The following SLC35E2B variants were observed in gnomAD, a reference collection of about 807,000 sequenced individuals.
SLC35E2B encodes the protein solute carrier family 35 member E2B.
SLC35E2B carries 18 observed loss-of-function variants against 32.4 expected under a neutral mutation model. That is an observed-to-expected ratio of 0.56 (90% CI 0.38 to 0.82). The LOEUF (loss-of-function observed/expected upper bound fraction) is 0.82. Ranked by LOEUF, SLC35E2B falls within the 40% of genes least tolerant of loss-of-function variation. The pLI, the probability that SLC35E2B is intolerant of heterozygous loss-of-function variation, is 0.00. For missense variants in SLC35E2B, 263 were observed against 469.5 expected, an observed-to-expected ratio of 0.56 and a Z score of 4.06; for synonymous variants, 132 against 209.1, an observed-to-expected ratio of 0.63 and a Z score of 3.18.
At chr1:1,667,284 T>A (rs1209683054) in intron 9 of SLC35E2B, among the ~76,000 whole-genome samples, 17 of 148,912 alleles carry the variant, frequency 1.1e-4, no homozygotes, top group African/African-American at 4.2e-4. Flanking sequence ...GTGGTGGCAG[T>A]CGCCTGTAGT....
At chr1:1,684,789 CAAAAAAA>C (rs1175219653) in intron 2 of SLC35E2B, among the ~76,000 whole-genome samples, 1 of 23,736 alleles carries the variant, frequency 4.2e-5, no homozygotes, top group African/African-American at 1.8e-4. Context: ...GACTCCATCT[CAAAAAAA>C]AAAAAAAAAA....
intron 2 of SLC35E2B, among the ~76,000 whole-genome samples, chr1:1,683,467 C>A (rs545902452): frequency 1.1e-4 from 17 of 152,306 alleles, no homozygotes; most frequent in African/African-American, 4.1e-4. Context: ...GAGCAGCCGG[C>A]CGCAGAGACG....
At chr1:1,674,100 G>T (rs531433403) in intron 5 of SLC35E2B, 1 of 173,554 alleles carries the variant, frequency 5.8e-6, no homozygotes, top group Admixed American at 6.0e-5. Context: ...TAAGTATGTC[G>T]TCTATTGCTT....
At position 1,662,934 on chromosome 1, in the gene SLC35E2B, A is replaced by T. The variant is rs559044163; in HGVS notation, c.*2848T>A. ...GAAAAGTATTACACAAAGTTATTTTAAAAAATGTCTGTACAATCGTTAACA... is the reference window on the plus strand; with the variant it reads ...GAAAAGTATTACACAAAGTTATTTTTAAAAATGTCTGTACAATCGTTAACA... On this transcript the variant is annotated 3_prime_UTR_variant, in exon 10 of 10. Coordinates refer to ENST00000617444, the MANE Select transcript of SLC35E2B (RefSeq NM_001290264.2). The T allele has an allele frequency of 3.6e-4, 320 of 883,540 alleles. 12 individuals are homozygous for T. In the African/African-American group the frequency reaches 4.8e-3, roughly 13 times the overall value. The allele number at this position is 883,540 out of a possible 1,614,324, so 54.7% of individuals were successfully genotyped here. A position where few individuals can be genotyped will look rare whatever the true frequency, so the allele number is the denominator to read the frequency against.
At chr1:1,667,890 T>A in intron 9 of SLC35E2B, among the ~76,000 whole-genome samples, 1 of 150,994 alleles carries the variant, frequency 6.6e-6, no homozygotes. Flanking sequence ...CTCGCTCCCA[T>A]CCCCCAGGCT....
intron 2 of SLC35E2B, among the ~76,000 whole-genome samples, chr1:1,688,486 G>C (rs1643979217): frequency 6.6e-6 from 1 of 151,806 alleles, no homozygotes; most frequent in Non-Finnish European, 1.5e-5. Flanking sequence ...TGTAATCCCA[G>C]CTACTCAGGA....
chr1:1,673,243 C>G (rs1315990543), intron 5 of SLC35E2B: 1 of 438,574 alleles, frequency 2.3e-6, no homozygotes, highest in Non-Finnish European at 4.5e-6. Context: ...TGCTCATACA[C>G]GCACTGAGGG....
At chr1:1,688,020 T>C (rs929644745) in intron 2 of SLC35E2B, among the ~76,000 whole-genome samples, 30 of 152,140 alleles carry the variant, frequency 2.0e-4, no homozygotes, top group African/African-American at 7.0e-4. Flanking sequence ...GCGGTCATGT[T>C]GGCTGCGCCG....
intron 2 of SLC35E2B, among the ~76,000 whole-genome samples, chr1:1,688,468 C>T (rs1193147250): frequency 3.3e-5 from 5 of 151,656 alleles, no homozygotes; most frequent in African/African-American, 7.3e-5. Flanking sequence ...GGCATGATGG[C>T]GCGTGCCTGT....
intron 6 of SLC35E2B, chr1:1,670,419 A>T: frequency 3.2e-6 from 1 of 310,570 alleles, no homozygotes; most frequent in Non-Finnish European, 5.9e-6. Flanking sequence ...ACCACGCCCA[A>T]CAGATTTTTT....
At chr1:1,673,973 A>G (rs1302902655) in intron 5 of SLC35E2B, 3 of 155,416 alleles carry the variant, frequency 1.9e-5, no homozygotes, top group Admixed American at 6.5e-5. Context: ...AAAAAGAAAA[A>G]AAAAAAAAAG....
chr1:1,673,773 C>T (rs1210263353), intron 5 of SLC35E2B, among the ~76,000 whole-genome samples: 2 of 152,004 alleles, frequency 1.3e-5, no homozygotes, highest in Non-Finnish European at 2.9e-5. Context: ...ACCATCCTGG[C>T]TAACACGGTG....
rs1202609556 is a variant in SLC35E2B at position 1,670,085 on chromosome 1, G to A, written c.761+13C>T. ...CTTATGACTTGGAGATTTCACTGACGAATAATACTTACGAGAACCTGTATT... is the reference window on the plus strand; with the variant it reads ...CTTATGACTTGGAGATTTCACTGACAAATAATACTTACGAGAACCTGTATT... On this transcript the variant is annotated intron_variant, in intron 7 of 9. Transcript: ENST00000617444. 9.7e-6 allele frequency: 15 copies of A among 1,548,320 alleles called. No homozygotes were observed. Among genetic ancestry groups the A allele is most frequent in the East Asian group, 4.9e-5 (2 of 40,914 alleles).
At chr1:1,666,569 C>A (rs1643550617) in intron 9 of SLC35E2B, among the ~76,000 whole-genome samples, 1 of 151,426 alleles carries the variant, frequency 6.6e-6, no homozygotes, top group African/African-American at 2.5e-5. Context: ...CATCTCACCC[C>A]TGAGTACTTC....
chr1:1,688,768 G>C (rs1261309556), intron 2 of SLC35E2B, among the ~76,000 whole-genome samples: 1 of 152,164 alleles, frequency 6.6e-6, no homozygotes, highest in African/African-American at 2.4e-5. Context: ...GTCCTGCAAG[G>C]AGACGGAGGC....
At position 1,669,690 on chromosome 1, in the gene SLC35E2B, G is replaced by A; in HGVS notation, c.808C>T (p.Leu270Phe). ...GTAAAGAAAACCCGGGCCGGGACGA[G>A]CATGGCCACCGCAGCGGCGCTGGTG... is the stretch of plus-strand genomic sequence containing the variant. ...FYTSAAAVAM[L>F]VPARVFFTDV... The change falls in exon 8 of 10, where the codon CTC becomes TTC. Residue 270 changes from leucine to phenylalanine, a missense_variant. Physicochemically the swap from Leu to Phe is conservative, Grantham distance 22 (BLOSUM62 0). Around this residue, in one of 7 missense-constraint regions of SLC35E2B, gnomAD observed 129 missense variants for 164.5 expected, o/e 0.78. Transcript: ENST00000617444. 1.3e-6 allele frequency: 2 copies of A among 1,533,602 alleles called. No homozygotes were observed. The highest frequency in any genetic ancestry group is 4.9e-5 in the East Asian group (2 of 40,430). The allele number at this position is 1,533,602 out of a possible 1,614,324, so 95.0% of individuals were successfully genotyped here.
chr1:1,663,970 T>C lies in SLC35E2B; in HGVS notation c.*1812A>G. On this transcript the variant is annotated 3_prime_UTR_variant, in exon 10 of 10. Coordinates refer to ENST00000617444, the MANE Select transcript of SLC35E2B (RefSeq NM_001290264.2). ...CTACAGGAGGCTGAGTGGGAAGGAT[T>C]GCTTGAGCCGAGGAGTTCAAGACCA... 5.3e-6 allele frequency: 2 copies of C among 378,430 alleles called. No individual in the cohort carries two copies. The highest frequency in any genetic ancestry group is 7.3e-6 in the Non-Finnish European group (2 of 273,644). The allele number at this position is 378,430 out of a possible 1,614,324, so 23.4% of individuals were successfully genotyped here.
chr1:1,677,390 G>A (rs973395338), intron 2 of SLC35E2B, among the ~76,000 whole-genome samples: 11 of 151,086 alleles, frequency 7.3e-5, no homozygotes, highest in African/African-American at 1.5e-4. Flanking sequence ...GGTCCTTCAC[G>A]CCCTGCCTGG....
Position 1,664,863 on chromosome 1 carries a change from A to T in SLC35E2B, c.*919T>A, listed in dbSNP as rs1643500837. ...GGACAGGTGCTAGATGATGATAGGA[A>T]CAGTGGGCTCTGAGGGAGGACAGAC... On this transcript the variant is annotated 3_prime_UTR_variant, in exon 10 of 10. Coordinates refer to ENST00000617444, the MANE Select transcript of SLC35E2B (RefSeq NM_001290264.2). The T allele has an allele frequency of 1.1e-6, 1 of 917,076 alleles. No individual in the cohort carries two copies. Among genetic ancestry groups the T allele is most frequent in the Non-Finnish European group, 1.3e-6 (1 of 772,630 alleles). 56.8% of individuals were successfully genotyped at this position (917,076 alleles called of 1,614,324 possible). A position where few individuals can be genotyped will look rare whatever the true frequency, so the allele number is the denominator to read the frequency against.
Sources: allele counts gnomAD v4.1 joint callset (sites outside exome capture counted in the v4.1 genomes callset), GRCh38; gene constraint gnomAD v4.1.1; regional missense constraint gnomAD v4.1.1; transcripts MANE v1.5; gene names NCBI Gene and HGNC (gene_info 2026-07-23, HGNC 2026-07-21).